EFTUD2: variants seen among roughly 807,000 people sequenced by gnomAD.
The protein encoded by EFTUD2 is 116 kDa U5 small nuclear ribonucleoprotein component.
A neutral mutation model predicts 114.3 loss-of-function variants in EFTUD2; 9 were observed. The ratio of observed to expected loss-of-function variants is 0.08; its 90% confidence interval spans 0.05 to 0.14. The LOEUF (loss-of-function observed/expected upper bound fraction) is 0.14. Ranked by LOEUF, EFTUD2 falls within the 10% of genes least tolerant of loss-of-function variation. The pLI, the probability that EFTUD2 is intolerant of heterozygous loss-of-function variation, is 1.00. For synonymous variants in EFTUD2, 449 were observed against 462.3 expected (o/e 0.97, Z 0.37); for missense variants, 765 against 1,241.2 (o/e 0.62, Z 5.76).
In EFTUD2 at chr17:44,883,766, G is replaced by A. The variant is rs200155242; in HGVS notation, c.351-42C>T. 252 of 1,597,408 alleles carry A rather than the reference G, an allele frequency of 1.6e-4. No individual in the cohort carries two copies. In the African/African-American group the frequency reaches 2.4e-3, roughly 15 times the overall value. On this transcript the variant is annotated intron_variant, in intron 4 of 27. Coordinates refer to ENST00000426333, the MANE Select transcript of EFTUD2 (RefSeq NM_004247.4). Reference sequence around the variant, plus strand: ...AAAGAGAAAAGAGAGATTGGCAAACGTTTCCAAATGAGGAGTGGTGTAAAG... The same window carrying A: ...AAAGAGAAAAGAGAGATTGGCAAACATTTCCAAATGAGGAGTGGTGTAAAG...
At chr17:44,890,602 G>A (rs896949320) in intron 2 of EFTUD2, among the ~76,000 whole-genome samples, 11 of 151,518 alleles carry the variant, frequency 7.3e-5, no homozygotes, top group Admixed American at 3.3e-4. Context: ...TGAGGCAGGA[G>A]AATCGCTTGA....
chr17:44,866,911 T>C (rs989101315), intron 13 of EFTUD2, among the ~76,000 whole-genome samples: 5 of 152,132 alleles, frequency 3.3e-5, no homozygotes, highest in South Asian at 2.1e-4. Flanking sequence ...TGAGACCAGC[T>C]TGGGGATAAT....
Position 44,854,258 on chromosome 17 carries a change from G to A in EFTUD2, c.2347+11C>T. ...TCGAGGACTGGGGTGGGGGAGTGCT[G>A]GTGGACTTACATTCATCACAGAGGG... On this transcript the variant is annotated intron_variant, in intron 23 of 27. Transcript: ENST00000426333. This position sits in a 1 kb window ranked among gnomAD's most constrained non-coding sequence, Gnocchi z 4.3. The A allele has an allele frequency of 6.2e-7, 1 of 1,610,194 alleles. No homozygotes were observed. The highest frequency in any genetic ancestry group is 8.5e-7 in the Non-Finnish European group (1 of 1,177,990).
chr17:44,897,853 C>CT (rs776947700), intron 1 of EFTUD2, among the ~76,000 whole-genome samples: 3 of 152,212 alleles, frequency 2.0e-5, no homozygotes, highest in Non-Finnish European at 4.4e-5. Flanking sequence ...GTGTGAGCCA[C>CT]CGCACCCGGC....
intron 6 of EFTUD2, among the ~76,000 whole-genome samples, 200 bp downstream of exon 6, chr17:44,882,893 C>T (rs2051097783): frequency 6.6e-6 from 1 of 152,164 alleles, no homozygotes; most frequent in African/African-American, 2.4e-5. Flanking sequence ...TCCAAAAATA[C>T]TGCAGCTCAA....
rs1438458906 is a variant in EFTUD2, at chr17:44,875,957, C to G, written c.846G>C (p.Val282=). ...ACCTTATTAATCCATTGACCTCATC[C>G]ACAATGTGGCGCAGCTTGTAATAAG... The part of the protein sequence containing the change: ...TDAYYKLRHI[V]DEVNGLISMY... Residue 282 remains valine (V), a synonymous_variant, in exon 10 of 28, where the codon GTG becomes GTC. Coordinates refer to ENST00000426333, the MANE Select transcript of EFTUD2 (RefSeq NM_004247.4). 1 of 1,613,990 alleles carries G rather than the reference C, an allele frequency of 6.2e-7. No homozygotes were observed. Among genetic ancestry groups the G allele is most frequent in the Admixed American group, 1.7e-5 (1 of 60,018 alleles).
chr17:44,883,123 G>C lies in EFTUD2; in HGVS notation c.462C>G (p.His154Gln). The change falls in exon 6 of 28, where the codon CAC becomes CAG. Residue 154 changes from histidine to glutamine, a missense_variant. This residue lies in a region of EFTUD2 where 251 missense variants were observed against 357.7 expected (regional missense o/e 0.70). Coordinates refer to ENST00000426333, the MANE Select transcript of EFTUD2 (RefSeq NM_004247.4). The stretch of plus-strand genomic sequence containing the variant: ...GGTCATAGCGCTTTCTGATTTCCGG[G>C]TGAGTCTGTTCAATTAAACAATCCA... ...CFVDCLIEQT[H>Q]PEIRKRYDQD... The C allele has an allele frequency of 6.2e-7, 1 of 1,614,124 alleles. No individual in the cohort carries two copies.
At chr17:44,859,260 A>G (rs1039081317) in intron 18 of EFTUD2, 79 bp from the exon 19 acceptor site, 6 of 1,022,916 alleles carry the variant, frequency 5.9e-6, no homozygotes, top group African/African-American at 4.7e-5. Flanking sequence ...AGGCCAGAGC[A>G]GACAAGAAGT....
rs988478386 is a variant in EFTUD2 at position 44,859,901 on chromosome 17, A to C, written c.1860+4T>G. ...TTGGCGGCTGCTGCAGGCCATGGGC[A>C]TACCTTGGTGGTGAGGGATGGATAG... On this transcript the variant is annotated splice_donor_region_variant and intron_variant, in intron 18 of 27. Transcript: ENST00000426333. The C allele has an allele frequency of 6.2e-7, 1 of 1,613,992 alleles. No homozygotes were observed. The highest frequency in any genetic ancestry group is 1.3e-5 in the African/African-American group (1 of 74,940).
Position 44,860,420 on chromosome 17 carries a change from C to T in EFTUD2, c.1719+12G>A, listed in dbSNP as rs1330535010. 2 of 1,606,768 alleles carry T rather than the reference C, an allele frequency of 1.2e-6. No homozygotes were observed. The highest frequency in any genetic ancestry group is 1.7e-5 in the Admixed American group (1 of 59,972). On this transcript the variant is annotated intron_variant, in intron 17 of 27. Coordinates refer to ENST00000426333, the MANE Select transcript of EFTUD2 (RefSeq NM_004247.4). ...CTTAAGCCAACCCAGTTGGTCTCTTCAGAAACTCTACCTCCTCATTGCCTC... is the reference window on the plus strand; with the variant it reads ...CTTAAGCCAACCCAGTTGGTCTCTTTAGAAACTCTACCTCCTCATTGCCTC...
intron 9 of EFTUD2, 108 bp downstream of exon 9, chr17:44,879,448 G>A: frequency 6.4e-6 from 7 of 1,088,840 alleles, no homozygotes. Flanking sequence ...TAATCCCAGA[G>A]AGTTTCAAGT....
At chr17:44,856,896 G>A (rs2050566671) in intron 20 of EFTUD2, among the ~76,000 whole-genome samples, 179 bp downstream of exon 20, 1 of 152,190 alleles carries the variant, frequency 6.6e-6, no homozygotes, top group Admixed American at 6.5e-5. Flanking sequence ...ATGTCATTGT[G>A]TTCAAAGGCA....
chr17:44,897,267 G>A (rs893020953), intron 1 of EFTUD2, among the ~76,000 whole-genome samples: 1 of 148,862 alleles, frequency 6.7e-6, no homozygotes, highest in South Asian at 2.1e-4. Context: ...CTCAATAAAC[G>A]TTAGCTAGCA....
intron 14 of EFTUD2, among the ~76,000 whole-genome samples, chr17:44,864,290 T>C (rs1490725410): frequency 6.6e-6 from 1 of 152,186 alleles, no homozygotes; most frequent in Non-Finnish European, 1.5e-5. Context: ...GTCAGATTGA[T>C]GGGCAGACCA....
intron 5 of EFTUD2, 95 bp downstream of exon 5, chr17:44,883,554 G>A: frequency 1.7e-6 from 2 of 1,172,320 alleles, no homozygotes; most frequent in Non-Finnish European, 2.6e-6. Context: ...TGAGCCTTGT[G>A]ACCTCAAACC....
In EFTUD2 at chr17:44,863,682, G is replaced by A; in HGVS notation, c.1386C>T (p.Gly462=). The change falls in exon 15 of 28, where the codon GGC becomes GGT. Residue 462 remains glycine (G), a synonymous_variant. Coordinates refer to ENST00000426333, the MANE Select transcript of EFTUD2 (RefSeq NM_004247.4). ...CAGGGTCACAGTCACTCATAGCCTC[G>A]CCGAGGTCGGAGTCCACACCACCGG... ...TYTGGVDSDL[G]EAMSDCDPDG... 1.2e-6 allele frequency: 2 copies of A among 1,614,088 alleles called. No homozygotes were observed. Among genetic ancestry groups the A allele is most frequent in the Non-Finnish European group, 1.7e-6 (2 of 1,179,970 alleles).
chr17:44,870,797 A>C (rs2050836019), intron 11 of EFTUD2, among the ~76,000 whole-genome samples: 1 of 152,124 alleles, frequency 6.6e-6, no homozygotes, highest in Admixed American at 6.6e-5. Flanking sequence ...AGGTGGGCGG[A>C]TCACGAGGTC....
Position 44,853,647 on chromosome 17 carries a change from G to GT in EFTUD2, c.2348-13dup. The GT allele has an allele frequency of 6.2e-7, 1 of 1,613,204 alleles. No individual in the cohort carries two copies. Among genetic ancestry groups the GT allele is most frequent in the Middle Eastern group, 1.7e-4 (1 of 6,056 alleles). The stretch of plus-strand genomic sequence containing the variant: ...GACATTCCGAATCACTGTAAAGGAG[G>GT]TGGAGGGAGTGACTGGGGAGAGGTT... On this transcript the variant is annotated splice_polypyrimidine_tract_variant and intron_variant, in intron 23 of 27. Coordinates refer to ENST00000426333, the MANE Select transcript of EFTUD2 (RefSeq NM_004247.4).
At chr17:44,861,193 T>G (rs1313994127) in intron 16 of EFTUD2, among the ~76,000 whole-genome samples, 1 of 152,044 alleles carries the variant, frequency 6.6e-6, no homozygotes, top group Non-Finnish European at 1.5e-5. Context: ...ATAATCCCAG[T>G]GCTTTGGGAG....
Sources: allele counts gnomAD v4.1 joint callset (sites outside exome capture counted in the v4.1 genomes callset), GRCh38; gene constraint gnomAD v4.1.1; regional missense constraint gnomAD v4.1.1; non-coding constraint Gnocchi (gnomAD v3.1); transcripts MANE v1.5; gene names NCBI Gene and HGNC (gene_info 2026-07-23, HGNC 2026-07-21).